The following DBF4B variants were observed in gnomAD, a reference collection of about 807,000 sequenced individuals.
The protein encoded by DBF4B is protein DBF4 homolog B.
Under a neutral mutation model 53.4 loss-of-function variants are expected in DBF4B, and 49 were observed. The ratio of observed to expected loss-of-function variants is 0.92; its 90% CI spans 0.73 to 1.16. The LOEUF is 1.16. Ranked by LOEUF, DBF4B falls within the 50% of genes most tolerant of loss-of-function variation. The probability of loss-of-function intolerance (pLI) is 0.00; values close to 1 mark genes in which losing one functional copy is unlikely to be tolerated. For missense variants in DBF4B, 692 were observed against 775.0 expected (o/e 0.89, Z 1.27); for synonymous variants, 257 against 288.7 (o/e 0.89, Z 1.11).
At chr17:44,739,823 T>C (rs1975817714) in intron 9 of DBF4B, among the ~76,000 whole-genome samples, 1 of 151,728 alleles carries the variant, frequency 6.6e-6, no homozygotes, top group Non-Finnish European at 1.5e-5. Context: ...TAGGCTGGAG[T>C]GCGGTGGCAC....
At chr17:44,750,496 A>G (rs1233725207) in intron 13 of DBF4B, 99 bp from the exon 14 acceptor site, 2 of 1,501,330 alleles carry the variant, frequency 1.3e-6, no homozygotes, top group South Asian at 1.3e-5. Context: ...AAATTTTACA[A>G]TTAATTTTGG....
At chr17:44,741,565 G>T (rs1976032472) in intron 10 of DBF4B, 113 bp downstream of exon 10, 2 of 663,680 alleles carry the variant, frequency 3.0e-6, no homozygotes, top group Non-Finnish European at 5.2e-6. Context: ...CTTAGGCAAA[G>T]TCTATTCTGG....
chr17:44,710,169 TCTCAAAAAAAAGAAAAAAAAAATACCGTC>T, intron 2 of DBF4B, among the ~76,000 whole-genome samples: 2 of 151,812 alleles, frequency 1.3e-5, no homozygotes, highest in South Asian at 4.2e-4. Context: ...CGAGACTCCG[TCTCAAAAAAAAGAAAAAAAAAATACCGTC>T]TACTTTTACT....
chr17:44,736,950 GCT>G (rs1975505833), intron 8 of DBF4B, 84 bp downstream of exon 8: 2 of 1,508,578 alleles, frequency 1.3e-6, no homozygotes, highest in Non-Finnish European at 1.8e-6. Flanking sequence ...GGCAGCATCT[GCT>G]CACTTTTCTG....
rs1281851127 is a variant in DBF4B, at chr17:44,743,310, T to C, written c.830+1858T>C. ...CAGGCACGTGTGTATGTGGAAAATATGTGTAGGAAGAAGTGTTTAAATTTT... is the reference window on the plus strand; with the variant it reads ...CAGGCACGTGTGTATGTGGAAAATACGTGTAGGAAGAAGTGTTTAAATTTT... On this transcript the variant is annotated intron_variant, in intron 10 of 13. Transcript: ENST00000315005. Among the ~76,000 whole-genome samples, 8 of 152,362 alleles carry C rather than the reference T, an allele frequency of 5.3e-5. No homozygotes were observed. In the East Asian group the frequency reaches 1.3e-3, roughly 26 times the overall value.
Position 44,738,429 on chromosome 17 carries a change from G to C in DBF4B, c.713+5G>C. ...CAAAATCGAAGATGAAAGCAGGTGA[G>C]TGGGACCTCCTTTCTCTGCTTGCCC... On this transcript the variant is annotated splice_donor_5th_base_variant and intron_variant, in intron 9 of 13. Transcript: ENST00000315005. 1.9e-6 allele frequency: 3 copies of C among 1,613,520 alleles called. No individual in the cohort carries two copies. The highest frequency in any genetic ancestry group is 2.5e-6 in the Non-Finnish European group (3 of 1,179,560).
At chr17:44,723,118 C>A in intron 3 of DBF4B, 96 bp downstream of exon 3, 2 of 1,494,666 alleles carry the variant, frequency 1.3e-6, no homozygotes, top group Non-Finnish European at 9.0e-7. Context: ...CAAGTATTTT[C>A]TTTTTTGAGA....
At chr17:44,741,131 T>C (rs1044069403) in intron 9 of DBF4B, among the ~76,000 whole-genome samples, 4 of 148,504 alleles carry the variant, frequency 2.7e-5, no homozygotes, top group African/African-American at 1.0e-4. Flanking sequence ...AGACTCTGTC[T>C]CAAAAAAAAA....
Position 44,738,424 on chromosome 17 carries a change from G to A in DBF4B, c.713G>A (p.Arg238Lys). Residue 238 changes from arginine (R) to lysine (K), a missense_variant and splice_region_variant, in exon 9 of 14, where the codon AGG becomes AAG. Around this residue, in one of 3 missense-constraint regions of DBF4B, gnomAD observed 597 missense variants for 665.8 expected, o/e 0.90. Coordinates refer to ENST00000315005, the MANE Select transcript of DBF4B (RefSeq NM_145663.3). ...TTCCTCAAAATCGAAGATGAAAGCA[G>A]GTGAGTGGGACCTCCTTTCTCTGCT... The part of the protein sequence containing the change: ...APFLKIEDES[R>K]KFRPFHHQFK... 1.9e-6 allele frequency: 3 copies of A among 1,613,642 alleles called. No individual in the cohort carries two copies. Among genetic ancestry groups the A allele is most frequent in the South Asian group, 2.2e-5 (2 of 91,032 alleles).
At chr17:44,715,528 CTG>C (rs1210947946) in intron 2 of DBF4B, among the ~76,000 whole-genome samples, 2 of 151,948 alleles carry the variant, frequency 1.3e-5, no homozygotes, top group African/African-American at 4.8e-5. Context: ...CATTTTGCAT[CTG>C]TCTTTCATTC....
Position 44,750,929 on chromosome 17 carries a change from C to T in DBF4B, c.1524C>T (p.Cys508=). 6.2e-7 allele frequency: 1 copy of T among 1,614,232 alleles called. No individual in the cohort carries two copies. Among genetic ancestry groups the T allele is most frequent in the Non-Finnish European group, 8.5e-7 (1 of 1,180,044 alleles). ...GACCGTGGCTTATGTCTGCACGCTG[C>T]TGGGTTCGTCCCTTTCCTTTTGTGA... ...EARPWLMSAR[C]WVRPFPFVTW... The change falls in exon 14 of 14, where the codon TGC becomes TGT. Residue 508 remains cysteine, a synonymous_variant. Transcript: ENST00000315005.
At chr17:44,743,459 A>G (rs1976270857) in intron 10 of DBF4B, among the ~76,000 whole-genome samples, 5 of 151,538 alleles carry the variant, frequency 3.3e-5, no homozygotes, top group Admixed American at 6.6e-5. Flanking sequence ...CTCCAGTTCT[A>G]TCCCCTCACT....
chr17:44,708,835 A>G lies in DBF4B; in HGVS notation c.15A>G (p.Gly5=). 6.4e-7 allele frequency: 1 copy of G among 1,551,400 alleles called. No homozygotes were observed. Among genetic ancestry groups the G allele is most frequent in the Non-Finnish European group, 8.7e-7 (1 of 1,146,916 alleles). Residue 5 remains glycine, a synonymous_variant, in exon 1 of 14, where the codon GGA becomes GGG. Transcript: ENST00000315005. The part of the protein sequence containing the change: MSEP[G]KGDDCLELES... The stretch of plus-strand genomic sequence containing the variant: ...GCCGGCATTTGATGAGCGAACCGGG[A>G]AAGGGTACGGATGCCGGGAAGGGGA...
rs781375283 is a variant in DBF4B at position 44,741,446 on chromosome 17, A to G, written c.824A>G (p.His275Arg). The G allele has an allele frequency of 1.4e-5, 23 of 1,600,196 alleles. No individual in the cohort carries two copies. The highest frequency in any genetic ancestry group is 2.2e-5 in the South Asian group (2 of 89,032). ...EAPTTLGSMH[H>R]TRESKDGEPS... ...CCGACGACCCTGGGCAGCATGCACC[A>G]TACCAGGTGGGTCTTTCTGGTTCCT... Residue 275 changes from histidine (H) to arginine (R), a missense_variant, in exon 10 of 14, where the codon CAT becomes CGT. Physicochemically the swap from His to Arg is conservative, Grantham distance 29. Around this residue, in one of 3 missense-constraint regions of DBF4B, gnomAD observed 597 missense variants for 665.8 expected, o/e 0.90. Coordinates refer to ENST00000315005, the MANE Select transcript of DBF4B (RefSeq NM_145663.3).
In DBF4B at chr17:44,749,895, C is replaced by A; in HGVS notation, c.1190-700C>A. The A allele has an allele frequency of 9.6e-7, 1 of 1,040,328 alleles. No homozygotes were observed. The highest frequency in any genetic ancestry group is 1.2e-6 in the Non-Finnish European group (1 of 862,658). The allele number at this position is 1,040,328 out of a possible 1,614,324, so 64.4% of individuals were successfully genotyped here. On this transcript the variant is annotated intron_variant, in intron 13 of 13. Transcript: ENST00000315005. The surrounding 1 kb of genome is among the most constrained non-coding windows in gnomAD (Gnocchi z 4.4). ...GTGTTTGTCCCCTCCCCCAGCCCCC[C>A]ACGCTCCCGCACACAGATCCTCAGG... is the stretch of plus-strand genomic sequence containing the variant.
chr17:44,745,866 T>C (rs936198891), intron 10 of DBF4B, among the ~76,000 whole-genome samples: 2 of 152,086 alleles, frequency 1.3e-5, no homozygotes, highest in African/African-American at 4.8e-5. Context: ...GACAGCCAGA[T>C]AGAAATGCCC....
At chr17:44,710,906 T>C (rs1410770916) in intron 2 of DBF4B, among the ~76,000 whole-genome samples, 3 of 152,074 alleles carry the variant, frequency 2.0e-5, no homozygotes, top group African/African-American at 7.2e-5. Flanking sequence ...ATATTTGTTC[T>C]TAAAATTTAC....
chr17:44,731,181 GTTAT>G, intron 5 of DBF4B, 166 bp downstream of exon 5: 2 of 753,730 alleles, frequency 2.7e-6, no homozygotes, highest in Non-Finnish European at 4.4e-6. Flanking sequence ...GCTCAGACAA[GTTAT>G]TTAGCCATTC....
In DBF4B at chr17:44,722,704, A is replaced by G. The variant is rs553808340; in HGVS notation, c.83-176A>G. 9.3e-4 allele frequency among the ~76,000 whole-genome samples: 141 copies of G among 152,328 alleles called. 1 individual carries two copies. Among genetic ancestry groups the G allele is most frequent in the African/African-American group, 3.4e-3 (140 of 41,586 alleles). On this transcript the variant is annotated intron_variant, in intron 2 of 13. Coordinates refer to ENST00000315005, the MANE Select transcript of DBF4B (RefSeq NM_145663.3). ...CTTATTATCTTGTTTGGAAGGTTCCAATTTCACCACATCTGAGCTTCTGAG... is the reference window on the plus strand; with the variant it reads ...CTTATTATCTTGTTTGGAAGGTTCCGATTTCACCACATCTGAGCTTCTGAG...
Sources: allele counts gnomAD v4.1 joint callset (sites outside exome capture counted in the v4.1 genomes callset), GRCh38; gene constraint gnomAD v4.1.1; regional missense constraint gnomAD v4.1.1; non-coding constraint Gnocchi (gnomAD v3.1); transcripts MANE v1.5; gene names NCBI Gene and HGNC (gene_info 2026-07-23, HGNC 2026-07-21).